GLIS3: variants seen among roughly 807,000 people sequenced by gnomAD.
The protein encoded by GLIS3 is zinc finger protein GLIS3.
In GLIS3, 53 loss-of-function variants were observed where a neutral mutation model predicts 78.6. The observed-to-expected ratio is 0.67, with a 90% CI of 0.54 to 0.85. The LOEUF (loss-of-function observed/expected upper bound fraction) is 0.85, where lower values mean the gene tolerates loss of function less well. Ranked by LOEUF, GLIS3 falls within the 40% of genes least tolerant of loss-of-function variation. The probability of loss-of-function intolerance (pLI) is 0.00; values close to 1 mark genes in which losing one functional copy is unlikely to be tolerated. For synonymous variants in GLIS3, 684 were observed against 509.9 expected (o/e 1.34, Z -4.60); for missense variants, 1,703 against 1,231.1 (o/e 1.38, Z -5.74).
At chr9:4,140,966 T>C (rs1174208512) in intron 2 of GLIS3, among the ~76,000 whole-genome samples, 2 of 152,082 alleles carry the variant, frequency 1.3e-5, no homozygotes, top group African/African-American at 2.4e-5. Flanking sequence ...GCTCAGCTAA[T>C]TTTTTGTATT....
At chr9:4,078,417 C>T (rs1828262705) in intron 4 of GLIS3, among the ~76,000 whole-genome samples, 2 of 152,168 alleles carry the variant, frequency 1.3e-5, no homozygotes, top group South Asian at 4.2e-4. Context: ...ATCTACACAA[C>T]TCAAGTGCAC....
intron 2 of GLIS3, among the ~76,000 whole-genome samples, chr9:4,144,228 C>CATAGAGT (rs1834033344): frequency 6.6e-6 from 1 of 152,114 alleles, no homozygotes; most frequent in African/African-American, 2.4e-5. Flanking sequence ...AGAATAGAGT[C>CATAGAGT]CGAAAGAGAT....
intron 8 of GLIS3, among the ~76,000 whole-genome samples, chr9:3,876,639 A>G (rs1008308146): frequency 1.6e-5 from 1 of 64,114 alleles, no homozygotes; most frequent in African/African-American, 6.9e-5. Context: ...AAAGTCAGAG[A>G]GAGAGAGAGA....
At chr9:4,288,494 AT>A (rs5896059) in intron 1 of GLIS3, among the ~76,000 whole-genome samples, 139,310 of 151,926 alleles carry the variant, frequency 0.92, 64,606 homozygotes, top group Non-Finnish European at 0.98. Context: ...TAAAGGAGTC[AT>A]TTTTTTTGGC....
chr9:4,190,316 C>T (rs1002606482), intron 2 of GLIS3, among the ~76,000 whole-genome samples: 2 of 151,914 alleles, frequency 1.3e-5, no homozygotes, highest in Non-Finnish European at 2.9e-5. Context: ...ACTAGAATAA[C>T]CAATATAGAG....
At chr9:4,336,245 G>A (rs10974476) in intron 2 of GLIS3, among the ~76,000 whole-genome samples, 15,379 of 152,180 alleles carry the variant, frequency 0.1, 1,056 homozygotes, top group East Asian at 0.15. Flanking sequence ...CCTCTCCATG[G>A]CCACATGTGA....
intron 2 of GLIS3, among the ~76,000 whole-genome samples, chr9:4,127,744 A>G (rs542722007): frequency 6.6e-6 from 1 of 151,848 alleles, no homozygotes; most frequent in South Asian, 2.1e-4. Flanking sequence ...ACTAGCCACT[A>G]TTATTAAAAG....
chr9:4,429,670 A>G, the GLIS3 span, among the ~76,000 whole-genome samples: 25 of 152,170 alleles, frequency 1.6e-4, no homozygotes, highest in Non-Finnish European at 3.2e-4. Flanking sequence ...TGCAAGGTTC[A>G]TGAGGATAGA....
the GLIS3 span, among the ~76,000 whole-genome samples, chr9:4,467,517 C>T: frequency 6.6e-6 from 1 of 152,210 alleles, no homozygotes; most frequent in East Asian, 1.9e-4. Flanking sequence ...CCCAGGCAAA[C>T]AGCGTCTGCA....
chr9:4,106,336 G>C (rs1361918774), intron 4 of GLIS3, among the ~76,000 whole-genome samples: 2 of 152,064 alleles, frequency 1.3e-5, no homozygotes, highest in Non-Finnish European at 2.9e-5. Flanking sequence ...TGTCGCTCCT[G>C]ATAAGCTTGT....
At chr9:4,249,787 C>G (rs1824176187) in intron 2 of GLIS3, among the ~76,000 whole-genome samples, 1 of 152,174 alleles carries the variant, frequency 6.6e-6, no homozygotes, top group Admixed American at 6.5e-5. Flanking sequence ...TTTTGAGATA[C>G]ATTTCATCGA....
chr9:3,863,018 T>C (rs1317523218), intron 8 of GLIS3, among the ~76,000 whole-genome samples: 1 of 152,080 alleles, frequency 6.6e-6, no homozygotes, highest in Non-Finnish European at 1.5e-5. Context: ...GTTGGCCAAC[T>C]GCAGAGGGGG....
intron 3 of GLIS3, among the ~76,000 whole-genome samples, chr9:4,124,140 A>G (rs924037331): frequency 6.6e-6 from 1 of 152,214 alleles, no homozygotes; most frequent in Non-Finnish European, 1.5e-5. Context: ...GCTAAAAGTA[A>G]GTTCCATATT....
chr9:4,325,300 C>A (rs1010916678), intron 2 of GLIS3, among the ~76,000 whole-genome samples: 3 of 152,124 alleles, frequency 2.0e-5, no homozygotes, highest in African/African-American at 7.2e-5. Flanking sequence ...GACAAGTTCC[C>A]CTTGAAACCA....
At chr9:4,096,244 G>A (rs182638388) in intron 4 of GLIS3, among the ~76,000 whole-genome samples, 1 of 152,200 alleles carries the variant, frequency 6.6e-6, no homozygotes, top group Non-Finnish European at 1.5e-5. Context: ...GACGATGTGC[G>A]GTTAATTAAC....
At chr9:4,247,665 C>G (rs1017473678) in intron 2 of GLIS3, among the ~76,000 whole-genome samples, 3 of 151,978 alleles carry the variant, frequency 2.0e-5, no homozygotes, top group African/African-American at 7.2e-5. Context: ...GATAAAAAAA[C>G]AAATATTTAA....
chr9:3,906,152 G>C (rs776538038), intron 6 of GLIS3, among the ~76,000 whole-genome samples: 1 of 152,226 alleles, frequency 6.6e-6, no homozygotes, highest in Non-Finnish European at 1.5e-5. Flanking sequence ...ATCATGTGAG[G>C]CCTTCAAGCA....
chr9:4,287,906 T>A (rs10122677), intron 1 of GLIS3, among the ~76,000 whole-genome samples: 1 of 152,306 alleles, frequency 6.6e-6, no homozygotes, highest in East Asian at 1.9e-4. Context: ...CAATATAAAA[T>A]GTAGAATGTT....
chr9:4,101,796 ACT>A (rs1375445819), intron 4 of GLIS3, among the ~76,000 whole-genome samples: 2 of 152,014 alleles, frequency 1.3e-5, no homozygotes, highest in East Asian at 3.9e-4. Flanking sequence ...TGGAAAGATA[ACT>A]CTTTCCTGTT....
Sources: gnomAD v4.1 joint callset for allele counts (sites outside exome capture counted in the v4.1 genomes callset) on GRCh38, gnomAD v4.1.1 for gene constraint, MANE v1.5 for transcripts, NCBI Gene and HGNC (gene_info 2026-07-23, HGNC 2026-07-21) for gene names.